CABLES1: variants seen among roughly 807,000 people sequenced by gnomAD.
The protein encoded by CABLES1 is CDK5 and ABL1 enzyme substrate 1.
CABLES1 carries 36 observed loss-of-function variants against 57.8 expected under a neutral mutation model. The observed-to-expected ratio is 0.62, with a 90% CI of 0.48 to 0.82. The LOEUF (loss-of-function observed/expected upper bound fraction) is 0.82. CABLES1 is among the 40% of genes least tolerant of loss of function. The pLI, the probability that CABLES1 is intolerant of heterozygous loss-of-function variation, is 0.00. For missense variants in CABLES1, 767 were observed against 836.6 expected, an observed-to-expected ratio of 0.92 and a Z score of 1.03; for synonymous variants, 374 against 363.0, an observed-to-expected ratio of 1.03 and a Z score of -0.35.
intron 7 of CABLES1, 46 bp from the exon 8 acceptor site, chr18:23,252,914 C>T (rs373783473): frequency 1.1e-5 from 14 of 1,300,472 alleles, no homozygotes; most frequent in East Asian, 9.3e-5. Flanking sequence ...TTATTACATA[C>T]GACCCTTGTT....
chr18:23,250,341 T>TG (rs1181674655), intron 7 of CABLES1, among the ~76,000 whole-genome samples: 2 of 45,786 alleles, frequency 4.4e-5, no homozygotes, highest in Non-Finnish European at 6.8e-5. Flanking sequence ...GTGCCTGGAT[T>TG]GGGGGGTGAG....
At chr18:23,158,161 GTGTAGTGGTGTGCTGC>G (rs1281769668) in intron 1 of CABLES1, among the ~76,000 whole-genome samples, 2 of 151,574 alleles carry the variant, frequency 1.3e-5, no homozygotes, top group African/African-American at 4.8e-5. Flanking sequence ...ATTTAGCTGG[GTGTAGTGGTGTGCTGC>G]TGTAGTCCCA....
intron 1 of CABLES1, among the ~76,000 whole-genome samples, chr18:23,183,093 G>A (rs1269141459): frequency 3.3e-5 from 5 of 152,194 alleles, no homozygotes; most frequent in Admixed American, 1.3e-4. Context: ...CTGGGCCTGC[G>A]TCCCCTCATC....
Position 23,257,647 on chromosome 18 carries a change from C to T in CABLES1, c.*280C>T. On this transcript the variant is annotated 3_prime_UTR_variant, in exon 10 of 10. Coordinates refer to ENST00000256925, the MANE Select transcript of CABLES1 (RefSeq NM_001100619.3). ...CCACTAGCGAGAATCCCTAGCTGCC[C>T]CAGCCCAGTCTTTCTCCCCGGCATT... The T allele has an allele frequency of 3.1e-6, 1 of 318,090 alleles. No individual in the cohort carries two copies. The allele number at this position is 318,090 out of a possible 1,614,324, so 19.7% of individuals were successfully genotyped here. A position where few individuals can be genotyped will look rare whatever the true frequency, so the allele number is the denominator to read the frequency against.
chr18:23,257,192 A>C (rs993810319), intron 9 of CABLES1, 35 bp from the exon 10 acceptor site: 25 of 1,605,878 alleles, frequency 1.6e-5, no homozygotes, highest in Non-Finnish European at 1.9e-5. Context: ...TTTAATTTCA[A>C]AATGAACATG....
chr18:23,182,912 G>A (rs2145007290), intron 1 of CABLES1, among the ~76,000 whole-genome samples: 1 of 152,322 alleles, frequency 6.6e-6, no homozygotes, highest in African/African-American at 2.4e-5. Flanking sequence ...TTTCTTCAGG[G>A]CACTCTGCTT....
At chr18:23,182,506 G>A (rs1311011679) in intron 1 of CABLES1, among the ~76,000 whole-genome samples, 2 of 152,158 alleles carry the variant, frequency 1.3e-5, no homozygotes, top group Non-Finnish European at 2.9e-5. Flanking sequence ...AGAATCCCCC[G>A]GGAGTGTCTA....
In CABLES1 at chr18:23,253,783, C is replaced by T. The variant is rs771038664; in HGVS notation, c.1608C>T (p.Pro536=). The T allele has an allele frequency of 6.2e-7, 1 of 1,614,076 alleles. No homozygotes were observed. Residue 536 remains proline (P), a synonymous_variant, in exon 9 of 10, where the codon CCC becomes CCT. Coordinates refer to ENST00000256925, the MANE Select transcript of CABLES1 (RefSeq NM_001100619.3). ...AGGAGGACTGTGGCCTTGAGGAGCC[C>T]ACGGTGGCCATGGCCTTCGTCTACT... is the stretch of plus-strand genomic sequence containing the variant. The part of the protein sequence containing the change: ...LAQEDCGLEE[P]TVAMAFVYFE...
chr18:23,215,847 G>A lies in CABLES1; in HGVS notation c.1088+1793G>A, dbSNP rs779851083. The stretch of plus-strand genomic sequence containing the variant: ...CGGCTCACTGCAAGCTCCGCCTCCC[G>A]GGTTCACGCCATTCTCCTGTCTCTG... On this transcript the variant is annotated intron_variant, in intron 4 of 9. Transcript: ENST00000256925. 1.1e-4 allele frequency among the ~76,000 whole-genome samples: 16 copies of A among 151,472 alleles called. No homozygotes were observed. In the East Asian group the frequency reaches 1.8e-3, roughly 17 times the overall value.
intron 9 of CABLES1, among the ~76,000 whole-genome samples, chr18:23,256,150 T>C (rs2048159572): frequency 6.6e-6 from 1 of 152,182 alleles, no homozygotes; most frequent in South Asian, 2.1e-4. Context: ...CAACATCTGC[T>C]CTGTGGGTAG....
intron 1 of CABLES1, among the ~76,000 whole-genome samples, chr18:23,163,442 C>T (rs2047018926): frequency 6.6e-6 from 1 of 152,086 alleles, no homozygotes; most frequent in African/African-American, 2.4e-5. Flanking sequence ...GGAGGGTCTT[C>T]CGTATCGAGA....
At chr18:23,191,941 A>AG (rs2047246928) in intron 2 of CABLES1, among the ~76,000 whole-genome samples, 1 of 108,178 alleles carries the variant, frequency 9.2e-6, no homozygotes, top group Non-Finnish European at 2.0e-5. Context: ...AAAAAAAAAA[A>AG]GGCAACACAA....
chr18:23,169,149 G>T (rs931997491), intron 1 of CABLES1, among the ~76,000 whole-genome samples: 1 of 152,158 alleles, frequency 6.6e-6, no homozygotes, highest in Admixed American at 6.5e-5. Context: ...TACAGATGCC[G>T]TGGCAACGTC....
intron 3 of CABLES1, among the ~76,000 whole-genome samples, chr18:23,194,841 G>A (rs1452910445): frequency 1.3e-5 from 2 of 152,308 alleles, no homozygotes; most frequent in African/African-American, 4.8e-5. Flanking sequence ...AAAAACAGTT[G>A]AGTTTTGGGG....
At chr18:23,150,270 G>A (rs2046920074) in intron 1 of CABLES1, among the ~76,000 whole-genome samples, 1 of 147,756 alleles carries the variant, frequency 6.8e-6, no homozygotes. Context: ...GTGCAGTGGC[G>A]CGATCTTGGC....
At chr18:23,234,228 CAA>C (rs768407537) in intron 4 of CABLES1, among the ~76,000 whole-genome samples, 19 of 152,082 alleles carry the variant, frequency 1.2e-4, no homozygotes, top group Non-Finnish European at 2.5e-4. Flanking sequence ...CAGAACAAAA[CAA>C]AAAAACAAAG....
chr18:23,178,169 A>C (rs2047138511), intron 1 of CABLES1, among the ~76,000 whole-genome samples: 1 of 151,794 alleles, frequency 6.6e-6, no homozygotes, highest in African/African-American at 2.4e-5. Context: ...AGCAAGATCA[A>C]AGCGGTTTAT....
chr18:23,190,746 A>G (rs759954767), intron 2 of CABLES1, among the ~76,000 whole-genome samples: 2 of 152,196 alleles, frequency 1.3e-5, no homozygotes, highest in Non-Finnish European at 2.9e-5. Flanking sequence ...TTTAGAAATC[A>G]AGTGTTTATT....
intron 9 of CABLES1, among the ~76,000 whole-genome samples, chr18:23,254,906 G>A (rs958208306): frequency 6.6e-6 from 1 of 152,202 alleles, no homozygotes; most frequent in African/African-American, 2.4e-5. Context: ...ATAACAAGGG[G>A]CATGCCATGC....
Sources: gnomAD v4.1 joint callset for allele counts (sites outside exome capture counted in the v4.1 genomes callset) on GRCh38, gnomAD v4.1.1 for gene constraint, MANE v1.5 for transcripts, NCBI Gene and HGNC (gene_info 2026-07-23, HGNC 2026-07-21) for gene names.